Variants in HEMK2 observed in about 807,000 individuals in gnomAD.
HEMK2 encodes the protein HemK methyltransferase 2, ETF1 glutamine and histone H4 lysine, also known as methyltransferase HEMK2.
At chr21:28,836,340 C>T in the HEMK2 span, among the ~76,000 whole-genome samples, 1 of 152,062 alleles carries the variant, frequency 6.6e-6, no homozygotes, top group Non-Finnish European at 1.5e-5. Context: ...CTTCAGCCTC[C>T]TCAAACAAAA....
chr21:28,837,475 T>A, the HEMK2 span, among the ~76,000 whole-genome samples: 1 of 152,136 alleles, frequency 6.6e-6, no homozygotes. Flanking sequence ...AAGATGGAAA[T>A]TTAAAAATTC....
the HEMK2 span, among the ~76,000 whole-genome samples, chr21:28,592,892 T>C: frequency 1.3e-5 from 2 of 152,214 alleles, no homozygotes; most frequent in Admixed American, 1.3e-4. Context: ...AAAATGATTA[T>C]TGATCAGTAG....
chr21:28,772,571 T>C, the HEMK2 span, among the ~76,000 whole-genome samples: 1 of 152,214 alleles, frequency 6.6e-6, no homozygotes, highest in African/African-American at 2.4e-5. Flanking sequence ...GAATAAGTTA[T>C]AAGTATTGCC....
chr21:28,780,546 C>T, the HEMK2 span, among the ~76,000 whole-genome samples: 404 of 151,624 alleles, frequency 2.7e-3, 2 homozygotes, highest in African/African-American at 9.2e-3. Context: ...CTCCTGACCT[C>T]ATGATCTGCC....
chr21:28,622,307 C>G, the HEMK2 span, among the ~76,000 whole-genome samples: 1 of 152,240 alleles, frequency 6.6e-6, no homozygotes, highest in Non-Finnish European at 1.5e-5. Flanking sequence ...GAACTACAAA[C>G]CACTGCTCAA....
chr21:28,692,946 G>A, the HEMK2 span, among the ~76,000 whole-genome samples: 9 of 152,230 alleles, frequency 5.9e-5, no homozygotes, highest in African/African-American at 1.2e-4. Flanking sequence ...CAAAATAGGC[G>A]AATCCAAAGT....
the HEMK2 span, among the ~76,000 whole-genome samples, chr21:28,640,806 G>C: frequency 3.3e-5 from 5 of 152,176 alleles, no homozygotes; most frequent in African/African-American, 7.2e-5. Context: ...CCTGCCTTTT[G>C]TTCTAGGTGC....
At chr21:28,792,235 T>C in the HEMK2 span, among the ~76,000 whole-genome samples, 1 of 152,138 alleles carries the variant, frequency 6.6e-6, no homozygotes, top group South Asian at 2.1e-4. Flanking sequence ...ACCATCAAAA[T>C]GCCAACCAGC....
chr21:28,597,895 ATTTGATG>A, the HEMK2 span, among the ~76,000 whole-genome samples: 44 of 152,304 alleles, frequency 2.9e-4, 2 homozygotes, highest in South Asian at 9.1e-3. Context: ...GATAAAGATA[ATTTGATG>A]TTAAGGATGG....
At chr21:28,659,024 T>C in the HEMK2 span, among the ~76,000 whole-genome samples, 1 of 152,126 alleles carries the variant, frequency 6.6e-6, no homozygotes. Flanking sequence ...ACCAGCTACT[T>C]CCTGACTGTC....
At chr21:28,782,436 C>T in the HEMK2 span, among the ~76,000 whole-genome samples, 8 of 152,158 alleles carry the variant, frequency 5.3e-5, no homozygotes, top group Admixed American at 5.2e-4. Context: ...AAATCCAGTA[C>T]ATTCAATATA....
At chr21:28,665,407 T>C in the HEMK2 span, among the ~76,000 whole-genome samples, 2 of 89,226 alleles carry the variant, frequency 2.2e-5, no homozygotes, top group South Asian at 8.8e-4. Flanking sequence ...TTTTTTATTA[T>C]AGTCTAAGTT....
chr21:28,874,158 G>A, the HEMK2 span: 1 of 152,176 alleles, frequency 6.6e-6, no homozygotes, highest in Non-Finnish European at 1.5e-5. Context: ...TAGGGAACAT[G>A]GTAAGAAAAT....
chr21:28,822,860 C>T, the HEMK2 span, among the ~76,000 whole-genome samples: 7 of 146,152 alleles, frequency 4.8e-5, no homozygotes, highest in East Asian at 4.0e-4. Flanking sequence ...CAGATATTAA[C>T]GTCCATTACT....
At chr21:28,864,906 T>C in the HEMK2 span, among the ~76,000 whole-genome samples, 2 of 80,924 alleles carry the variant, frequency 2.5e-5, no homozygotes, top group South Asian at 1.3e-3. Flanking sequence ...TAGATATAGA[T>C]AGATGATATA....
the HEMK2 span, among the ~76,000 whole-genome samples, chr21:28,601,269 C>T: frequency 6.6e-6 from 1 of 152,166 alleles, no homozygotes; most frequent in Non-Finnish European, 1.5e-5. Context: ...TCCAAATCTG[C>T]CAGTGGCTTT....
the HEMK2 span, among the ~76,000 whole-genome samples, chr21:28,663,884 T>A: frequency 2.0e-5 from 3 of 152,198 alleles, no homozygotes; most frequent in Non-Finnish European, 4.4e-5. Flanking sequence ...CTTTAGTTTG[T>A]AAGAGCAAGA....
the HEMK2 span, among the ~76,000 whole-genome samples, chr21:28,798,869 G>A: frequency 6.6e-6 from 1 of 152,080 alleles, no homozygotes; most frequent in South Asian, 2.1e-4. Context: ...GCAGCCTTAG[G>A]GCAGTTATAT....
the HEMK2 span, among the ~76,000 whole-genome samples, chr21:28,704,137 G>T: frequency 6.6e-6 from 1 of 152,108 alleles, no homozygotes; most frequent in South Asian, 2.1e-4. Flanking sequence ...GCACCTTCTC[G>T]TGCCTTGAAA....
Sources: gnomAD v4.1 joint callset for allele counts (sites outside exome capture counted in the v4.1 genomes callset) on GRCh38, gnomAD v4.1.1 for gene constraint, MANE v1.5 for transcripts, NCBI Gene and HGNC (gene_info 2026-07-23, HGNC 2026-07-21) for gene names.